The following ZFP62 variants were observed in gnomAD, a reference collection of about 807,000 sequenced individuals.
ZFP62 encodes the protein ZFP62 zinc finger protein, also known as zinc finger protein 62 homolog.
Under a neutral mutation model 56.4 loss-of-function variants are expected in ZFP62, and 44 were observed. The observed-to-expected ratio is 0.78, with a 90% confidence interval of 0.61 to 1.00. The LOEUF (loss-of-function observed/expected upper bound fraction) is 1.00, where lower values mean the gene tolerates loss of function less well. ZFP62 is among the 50% of genes least tolerant of loss of function. The probability of loss-of-function intolerance (pLI) is 0.00; values close to 1 mark genes in which losing one functional copy is unlikely to be tolerated. For synonymous variants in ZFP62, 421 were observed against 388.9 expected (o/e 1.08, Z -0.97); for missense variants, 1,030 against 1,085.7 (o/e 0.95, Z 0.72).
Position 180,851,301 on chromosome 5 carries a change from T to C in ZFP62, c.194A>G (p.Lys65Arg). 5 of 1,551,730 alleles carry C rather than the reference T, an allele frequency of 3.2e-6. No individual in the cohort carries two copies. Among genetic ancestry groups the C allele is most frequent in the East Asian group, 2.4e-5 (1 of 40,914 alleles). The change falls in exon 2 of 2, where the codon AAA becomes AGA. Residue 65 changes from lysine (K) to arginine (R), a missense_variant. Lys to Arg is a conservative substitution (Grantham distance 26, BLOSUM62 2). Transcript: ENST00000502412. Reference sequence around the variant, plus strand: ...GCTGATTGCTTCCCTGATGCTGCTTTTGTCCTCCTTCATCCTGTTTTCCAC... The same window carrying C: ...GCTGATTGCTTCCCTGATGCTGCTTCTGTCCTCCTTCATCCTGTTTTCCAC... ...KPVENRMKED[K>R]SSIREAISKA...
At chr5:180,827,853 G>C in the ZFP62 span, among the ~76,000 whole-genome samples, 3 of 152,234 alleles carry the variant, frequency 2.0e-5, no homozygotes, top group Non-Finnish European at 2.9e-5. Flanking sequence ...CTTAGGGCTG[G>C]AGGTGGGACA....
At chr5:180,840,031 G>A in the ZFP62 span, among the ~76,000 whole-genome samples, 3 of 147,390 alleles carry the variant, frequency 2.0e-5, no homozygotes. Context: ...CTAGTTGTGG[G>A]ACTGCCTAAA....
At chr5:180,856,389 A>C (rs1242189575) in intron 1 of ZFP62, among the ~76,000 whole-genome samples, 1 of 152,246 alleles carries the variant, frequency 6.6e-6, no homozygotes, top group African/African-American at 2.4e-5. Flanking sequence ...GCACTAGAGT[A>C]AATGCTGCTA....
the ZFP62 span, among the ~76,000 whole-genome samples, chr5:180,829,796 C>G: frequency 6.6e-6 from 1 of 152,094 alleles, no homozygotes; most frequent in East Asian, 1.9e-4. Flanking sequence ...CTGAAAGCCC[C>G]GGCCATAGTC....
chr5:180,839,911 A>G, the ZFP62 span, among the ~76,000 whole-genome samples: 1 of 152,032 alleles, frequency 6.6e-6, no homozygotes. Flanking sequence ...CCCACCCACC[A>G]TTTTGCTTCT....
the ZFP62 span, among the ~76,000 whole-genome samples, chr5:180,827,527 C>T: frequency 1.3e-5 from 2 of 152,124 alleles, no homozygotes; most frequent in Non-Finnish European, 2.9e-5. Flanking sequence ...TCACCACTCC[C>T]TAATCTCAAG....
At chr5:180,838,818 C>T in the ZFP62 span, among the ~76,000 whole-genome samples, 1 of 149,384 alleles carries the variant, frequency 6.7e-6, no homozygotes, top group Non-Finnish European at 1.5e-5. Flanking sequence ...GTTTCATACA[C>T]TATTGTCAAA....
intron 1 of ZFP62, among the ~76,000 whole-genome samples, chr5:180,853,048 T>C (rs185585520): frequency 3.9e-5 from 6 of 152,308 alleles, no homozygotes; most frequent in Admixed American, 6.5e-5. Flanking sequence ...AAACTACATA[T>C]GCATTTACCC....
Position 180,850,513 on chromosome 5 carries a change from T to C in ZFP62, c.982A>G (p.Lys328Glu). The C allele has an allele frequency of 6.4e-7, 1 of 1,553,136 alleles. No individual in the cohort carries two copies. The highest frequency in any genetic ancestry group is 8.7e-7 in the Non-Finnish European group (1 of 1,147,778). Residue 328 changes from lysine to glutamate, a missense_variant, in exon 2 of 2, where the codon AAA becomes GAA. By Grantham distance (56) the Lys-to-Glu change is moderately conservative. Coordinates refer to ENST00000502412, the MANE Select transcript of ZFP62 (RefSeq NM_001172638.2). Reference sequence around the variant, plus strand: ...GGTTTATCTCCAAAGTGGATGCTTTTATGGTTGAGAAGTGTTCTACAAGTA... The same window carrying C: ...GGTTTATCTCCAAAGTGGATGCTTTCATGGTTGAGAAGTGTTCTACAAGTA... The part of the protein sequence containing the change: ...FITCRTLLNH[K>E]SIHFGDKPYK...
chr5:180,833,961 G>A, the ZFP62 span, among the ~76,000 whole-genome samples: 24 of 152,242 alleles, frequency 1.6e-4, no homozygotes, highest in South Asian at 8.3e-4. Context: ...GAGCCACTGC[G>A]CCCAGCTGGC....
At chr5:180,829,223 C>CA in the ZFP62 span, among the ~76,000 whole-genome samples, 1 of 142,350 alleles carries the variant, frequency 7.0e-6, no homozygotes. Context: ...TCCTCAGAGG[C>CA]ATGTGATCTT....
At chr5:180,854,443 GA>G (rs1773868709) in intron 1 of ZFP62, among the ~76,000 whole-genome samples, 1 of 152,202 alleles carries the variant, frequency 6.6e-6, no homozygotes, top group Non-Finnish European at 1.5e-5. Flanking sequence ...ACCAGAATTG[GA>G]AAAGTCAGCA....
chr5:180,827,750 G>T, the ZFP62 span, among the ~76,000 whole-genome samples: 1 of 152,216 alleles, frequency 6.6e-6, no homozygotes, highest in African/African-American at 2.4e-5. Flanking sequence ...GAGACAAGAG[G>T]AAGGCATCTG....
chr5:180,829,325 T>C, the ZFP62 span, among the ~76,000 whole-genome samples: 1 of 152,224 alleles, frequency 6.6e-6, no homozygotes, highest in African/African-American at 2.4e-5. Flanking sequence ...CAGAAGCATG[T>C]GATCTTTGTT....
intron 1 of ZFP62, among the ~76,000 whole-genome samples, chr5:180,855,452 T>C (rs1773921867): frequency 6.6e-6 from 1 of 152,286 alleles, no homozygotes; most frequent in Admixed American, 6.5e-5. Context: ...AGGCTGCTGC[T>C]TGCCCTCCGC....
the ZFP62 span, among the ~76,000 whole-genome samples, chr5:180,828,295 G>A: frequency 6.6e-6 from 1 of 152,256 alleles, no homozygotes; most frequent in East Asian, 1.9e-4. Context: ...AGGGACACAG[G>A]GTGTTTTGGA....
chr5:180,848,113 G>C lies in ZFP62; in HGVS notation c.*679C>G, dbSNP rs77865930. 6 of 985,262 alleles carry C rather than the reference G, an allele frequency of 6.1e-6. No homozygotes were observed. The Admixed American group carries it at 3.1e-4, about 50-fold the overall frequency. 61.0% of individuals were successfully genotyped at this position (985,262 alleles called of 1,614,324 possible). A position where few individuals can be genotyped will look rare whatever the true frequency, so the allele number is the denominator to read the frequency against. ...AAAAAGTTTCATCCATTCAACTAAT[G>C]TATCACAATAGTACGTTCATCAATT... is the stretch of plus-strand genomic sequence containing the variant. On this transcript the variant is annotated 3_prime_UTR_variant, in exon 2 of 2. Transcript: ENST00000502412.
At position 180,850,870 on chromosome 5, in the gene ZFP62, A is replaced by G. The variant is rs1383221718; in HGVS notation, c.625T>C (p.Tyr209His). ...CTTTTGTGGTTTATAAGGCTGGAGT[A>G]GGACATGTAGGCTTTCCCACATTCC... is the stretch of plus-strand genomic sequence containing the variant. ...CEECGKAYMS[Y>H]SSLINHKSTH... The change falls in exon 2 of 2, where the codon TAC becomes CAC. Residue 209 changes from tyrosine to histidine, a missense_variant. Transcript: ENST00000502412. 6.4e-7 allele frequency: 1 copy of G among 1,563,872 alleles called. No homozygotes were observed.
At chr5:180,830,717 G>C in the ZFP62 span, 4 of 152,356 alleles carry the variant, frequency 2.6e-5, no homozygotes. Context: ...CCTTCCAGCT[G>C]TCTGAGATTA....
Sources: gnomAD v4.1 joint callset for allele counts (sites outside exome capture counted in the v4.1 genomes callset) on GRCh38, gnomAD v4.1.1 for gene constraint, MANE v1.5 for transcripts, NCBI Gene and HGNC (gene_info 2026-07-23, HGNC 2026-07-21) for gene names.